The following CAMK4 variants were observed in gnomAD, a reference collection of about 807,000 sequenced individuals.
CAMK4 encodes the protein calcium/calmodulin dependent protein kinase IV, also known as calcium/calmodulin-dependent protein kinase type IV.
A neutral mutation model predicts 44.9 loss-of-function variants in CAMK4; 22 were observed. The observed-to-expected ratio is 0.49, with a 90% CI of 0.35 to 0.70. The LOEUF is 0.70. Among genes scored for constraint, CAMK4 ranks in the 30% least tolerant of loss-of-function variants. CAMK4 has a pLI of 0.01. For synonymous variants in CAMK4, 218 were observed against 215.4 expected (o/e 1.01, Z -0.11); for missense variants, 498 against 586.8 (o/e 0.85, Z 1.56).
chr5:111,471,324 A>G (rs553225605), intron 7 of CAMK4, among the ~76,000 whole-genome samples: 1 of 152,194 alleles, frequency 6.6e-6, no homozygotes, highest in South Asian at 2.1e-4. Flanking sequence ...CAATTAGGCC[A>G]TGAGCAAGAT....
rs114901737 is a variant in CAMK4, at chr5:111,483,579, A to G, written c.982-447A>G. Among the ~76,000 whole-genome samples the G allele has an allele frequency of 1.7e-3, 255 of 152,284 alleles. 1 individual carries two copies. The highest frequency in any genetic ancestry group is 6.1e-3 in the African/African-American group (252 of 41,558). On this transcript the variant is annotated intron_variant, in intron 10 of 10. Coordinates refer to ENST00000282356, the MANE Select transcript of CAMK4 (RefSeq NM_001744.6). Reference sequence around the variant, plus strand: ...TAAATCTGAAAGGCTCCATGGTCAAATTAATTATAAATACCCCAAATTAAA... The same window carrying G: ...TAAATCTGAAAGGCTCCATGGTCAAGTTAATTATAAATACCCCAAATTAAA...
chr5:111,249,254 T>G (rs1482420660), intron 1 of CAMK4, among the ~76,000 whole-genome samples: 1 of 152,132 alleles, frequency 6.6e-6, no homozygotes, highest in East Asian at 1.9e-4. Flanking sequence ...AACCCAGCCC[T>G]GTAAAACTTG....
At chr5:111,286,852 T>G (rs1201247015) in intron 1 of CAMK4, among the ~76,000 whole-genome samples, 1 of 152,182 alleles carries the variant, frequency 6.6e-6, no homozygotes. Flanking sequence ...GAAACTAACT[T>G]TTTGATTGCT....
intron 5 of CAMK4, among the ~76,000 whole-genome samples, chr5:111,436,985 A>G (rs1436436856): frequency 6.6e-6 from 1 of 152,244 alleles, no homozygotes; most frequent in East Asian, 1.9e-4. Flanking sequence ...AATGGTTTAA[A>G]ATGTCATTTG....
intron 1 of CAMK4, among the ~76,000 whole-genome samples, chr5:111,301,564 A>C (rs1048912613): frequency 6.6e-6 from 1 of 152,212 alleles, no homozygotes; most frequent in Non-Finnish European, 1.5e-5. Flanking sequence ...ATGGGAGAAA[A>C]TATAGATAGG....
intron 5 of CAMK4, among the ~76,000 whole-genome samples, chr5:111,410,523 ATTCTTTCATTGAT>A (rs1752595577): frequency 6.6e-6 from 1 of 152,112 alleles, no homozygotes. Flanking sequence ...TGTCTGTGTT[ATTCTTTCATTGAT>A]TGTTTATTGG....
chr5:111,308,440 G>C (rs188403067), intron 1 of CAMK4, among the ~76,000 whole-genome samples: 27 of 152,188 alleles, frequency 1.8e-4, no homozygotes, highest in Admixed American at 1.2e-3. Context: ...TGAAATAATT[G>C]ATCAGTGTTT....
chr5:111,292,407 G>A (rs1747309961), intron 1 of CAMK4, among the ~76,000 whole-genome samples: 1 of 152,068 alleles, frequency 6.6e-6, no homozygotes, highest in Non-Finnish European at 1.5e-5. Context: ...GTATATGTAT[G>A]TGTATATGTA....
chr5:111,239,265 G>A (rs1420000463), intron 1 of CAMK4, among the ~76,000 whole-genome samples: 2 of 152,062 alleles, frequency 1.3e-5, no homozygotes, highest in African/African-American at 4.8e-5. Context: ...TGATGCTTAC[G>A]ATTAATTCGA....
In CAMK4 at chr5:111,482,422, C is replaced by G. The variant is rs1755464674; in HGVS notation, c.829-363C>G. 6.0e-6 allele frequency: 1 copy of G among 166,048 alleles called. No homozygotes were observed. The highest frequency in any genetic ancestry group is 6.4e-5 in the Admixed American group (1 of 15,640). 10.3% of individuals were successfully genotyped at this position (166,048 alleles called of 1,614,324 possible). A position where few individuals can be genotyped will look rare whatever the true frequency, so the allele number is the denominator to read the frequency against. ...TCCATTCTGTTACCATAGAGATGTA[C>G]TTTAAGTTCTGAATTCTAGGTGATT... On this transcript the variant is annotated intron_variant, in intron 9 of 10. Transcript: ENST00000282356. The surrounding 1 kb of genome is among the most constrained non-coding windows in gnomAD (Gnocchi z 4.9).
At position 111,311,331 on chromosome 5, in the gene CAMK4, A is replaced by G. The variant is rs77023630; in HGVS notation, c.162-32693A>G. On this transcript the variant is annotated intron_variant, in intron 1 of 10. Transcript: ENST00000282356. ...ACCTGCACACTTGCTGTCCTTAGAG[A>G]AGACTTGCTGAGAGAGAGTTCTTGT... Among the ~76,000 whole-genome samples the G allele has an allele frequency of 4.5e-3, 682 of 152,310 alleles. 9 individuals carry two copies. The highest frequency in any genetic ancestry group is 0.016 in the African/African-American group (650 of 41,548).
At chr5:111,283,512 A>G (rs1034489489) in intron 1 of CAMK4, among the ~76,000 whole-genome samples, 5 of 152,214 alleles carry the variant, frequency 3.3e-5, no homozygotes, top group African/African-American at 2.4e-5. Context: ...ATTATCCCCA[A>G]TAATGTCTTC....
intron 5 of CAMK4, among the ~76,000 whole-genome samples, chr5:111,415,013 C>CA (rs964664688): frequency 1.6e-4 from 25 of 151,524 alleles, no homozygotes; most frequent in African/African-American, 3.4e-4. Context: ...TAGTCTTAGA[C>CA]AAAAAAAAGA....
rs377642471 is a variant in CAMK4 at position 111,263,606 on chromosome 5, T to C, written c.161+38962T>C. 1.0e-3 allele frequency among the ~76,000 whole-genome samples: 156 copies of C among 152,330 alleles called. 1 individual carries two copies. The highest frequency in any genetic ancestry group is 3.6e-3 in the African/African-American group (150 of 41,578). On this transcript the variant is annotated intron_variant, in intron 1 of 10. Coordinates refer to ENST00000282356, the MANE Select transcript of CAMK4 (RefSeq NM_001744.6). ...AAATGGCCTATTGAAATAATCTCTT[T>C]ATTGGACATCCTGCTATAATCCATT...
intron 1 of CAMK4, among the ~76,000 whole-genome samples, chr5:111,265,403 T>G (rs965060793): frequency 6.6e-6 from 1 of 152,244 alleles, no homozygotes; most frequent in Non-Finnish European, 1.5e-5. Context: ...TTTTAGGATT[T>G]AAATTTAACT....
At chr5:111,326,381 C>T (rs1748888777) in intron 1 of CAMK4, among the ~76,000 whole-genome samples, 1 of 151,754 alleles carries the variant, frequency 6.6e-6, no homozygotes, top group Non-Finnish European at 1.5e-5. Flanking sequence ...ATAATTCAAA[C>T]TTCCAAAAGT....
intron 4 of CAMK4, among the ~76,000 whole-genome samples, chr5:111,392,635 G>A (rs908077083): frequency 3.3e-5 from 5 of 152,008 alleles, no homozygotes; most frequent in African/African-American, 1.2e-4. Context: ...GGACCACATA[G>A]TAAAAACATA....
At chr5:111,415,816 T>A (rs543879845) in intron 5 of CAMK4, among the ~76,000 whole-genome samples, 29 of 152,158 alleles carry the variant, frequency 1.9e-4, no homozygotes, top group African/African-American at 6.5e-4. Flanking sequence ...CAAAAATATT[T>A]GGAAAAAAAT....
chr5:111,460,801 A>G (rs1025064311), intron 7 of CAMK4, among the ~76,000 whole-genome samples: 4 of 152,214 alleles, frequency 2.6e-5, no homozygotes, highest in Admixed American at 2.0e-4. Context: ...GGAAGGCTCA[A>G]TGGAATTTCA....
Sources: allele counts gnomAD v4.1 joint callset (sites outside exome capture counted in the v4.1 genomes callset), GRCh38; gene constraint gnomAD v4.1.1; non-coding constraint Gnocchi (gnomAD v3.1); transcripts MANE v1.5; gene names NCBI Gene and HGNC (gene_info 2026-07-23, HGNC 2026-07-21).